The following CCDC30 variants were observed in gnomAD, a reference collection of about 807,000 sequenced individuals.
The protein encoded by CCDC30 is coiled-coil domain-containing protein 30.
CCDC30 carries 70 observed loss-of-function variants against 100.2 expected under a neutral mutation model. The observed-to-expected ratio is 0.70, with a 90% confidence interval of 0.58 to 0.85. The LOEUF (loss-of-function observed/expected upper bound fraction) is 0.85. Among genes scored for constraint, CCDC30 ranks in the 40% least tolerant of loss-of-function variants. CCDC30 has a pLI of 0.00. For missense variants in CCDC30, 652 were observed against 771.2 expected (o/e 0.85, Z 1.83); for synonymous variants, 233 against 269.5 (o/e 0.86, Z 1.33).
chr1:42,641,756 A>G (rs1024168642), intron 12 of CCDC30, among the ~76,000 whole-genome samples: 1 of 151,902 alleles, frequency 6.6e-6, no homozygotes, highest in Admixed American at 6.6e-5. Flanking sequence ...AATCCCAGCT[A>G]CTCGGGAGGC....
At chr1:42,524,639 T>C (rs371604828) in intron 6 of CCDC30, among the ~76,000 whole-genome samples, 1 of 152,178 alleles carries the variant, frequency 6.6e-6, no homozygotes, top group South Asian at 2.1e-4. Context: ...GTTGTCCATT[T>C]TGACTCCCAC....
chr1:42,614,563 A>C (rs1209300975), intron 11 of CCDC30, among the ~76,000 whole-genome samples: 1 of 151,358 alleles, frequency 6.6e-6, no homozygotes, highest in Non-Finnish European at 1.5e-5. Flanking sequence ...GAGGCGGGCA[A>C]ATTACGTGAG....
chr1:42,490,583 G>A (rs1170785986), intron 4 of CCDC30, among the ~76,000 whole-genome samples: 1 of 151,320 alleles, frequency 6.6e-6, no homozygotes, highest in East Asian at 1.9e-4. Flanking sequence ...ACCATTTATT[G>A]CTTACTAAGT....
chr1:42,559,168 G>A (rs1450557189), intron 6 of CCDC30, among the ~76,000 whole-genome samples: 3 of 152,086 alleles, frequency 2.0e-5, no homozygotes, highest in African/African-American at 4.8e-5. Flanking sequence ...AGGAAAAACC[G>A]GTACCAGCCA....
the CCDC30 span, among the ~76,000 whole-genome samples, chr1:42,457,806 T>C: frequency 1.3e-5 from 2 of 151,762 alleles, no homozygotes; most frequent in Admixed American, 1.3e-4. Context: ...AATACAAAAA[T>C]TAGCCGGGCG....
In CCDC30 at chr1:42,651,590, A is replaced by AT. The variant is rs1419945305; in HGVS notation, c.1855-1785dup. Reference sequence around the variant, plus strand: ...AAAAGATGAAAGATAAGGGCCAGGCATGGTAGCCCAAACCTGTAATCCCAG... The same window carrying AT: ...AAAAGATGAAAGATAAGGGCCAGGCATTGGTAGCCCAAACCTGTAATCCCAG... On this transcript the variant is annotated intron_variant, in intron 15 of 16. Coordinates refer to ENST00000668663, the Ensembl canonical transcript of CCDC30. 2.6e-5 allele frequency among the ~76,000 whole-genome samples: 4 copies of AT among 152,158 alleles called. No homozygotes were observed. The East Asian group carries it at 7.7e-4, about 29-fold the overall frequency.
intron 1 of CCDC30, among the ~76,000 whole-genome samples, chr1:42,465,697 G>C (rs1643556356): frequency 6.6e-6 from 1 of 152,138 alleles, no homozygotes; most frequent in Non-Finnish European, 1.5e-5. Context: ...GGAGTGGGGT[G>C]GGGTTTTGCC....
At chr1:42,559,904 C>T (rs1645452016) in intron 6 of CCDC30, among the ~76,000 whole-genome samples, 1 of 152,194 alleles carries the variant, frequency 6.6e-6, no homozygotes, top group Non-Finnish European at 1.5e-5. Context: ...AAACACTCCT[C>T]AGCAAATGCA....
intron 8 of CCDC30, among the ~76,000 whole-genome samples, 159 bp downstream of exon 12, chr1:42,577,388 C>T (rs1282218395): frequency 6.6e-6 from 1 of 152,044 alleles, no homozygotes; most frequent in African/African-American, 2.4e-5. Context: ...TCACCTGTTC[C>T]TACAATTTTA....
At chr1:42,463,550 T>C (rs1470430710) in exon 1 of CCDC30, 1 of 152,446 alleles carries the variant, frequency 6.6e-6, no homozygotes, top group Non-Finnish European at 1.5e-5. Flanking sequence ...GCTGGAGTGA[T>C]TCCGCCTGAA....
intron 11 of CCDC30, among the ~76,000 whole-genome samples, chr1:42,614,651 G>A (rs189862595): frequency 6.6e-6 from 1 of 151,850 alleles, no homozygotes; most frequent in East Asian, 2.0e-4. Flanking sequence ...GCTAGGCATG[G>A]TGGTGCACAT....
chr1:42,642,565 G>C (rs747703200), exon 13 of CCDC30: 2 of 1,602,714 alleles, frequency 1.2e-6, no homozygotes, highest in Admixed American at 1.7e-5. Flanking sequence ...AGCAAGAACA[G>C]TTGATCCACA....
At chr1:42,634,025 A>G (rs1195405394) in intron 11 of CCDC30, among the ~76,000 whole-genome samples, 2 of 152,080 alleles carry the variant, frequency 1.3e-5, no homozygotes, top group Non-Finnish European at 2.9e-5. Context: ...CTGTCAATAG[A>G]ACAGTATGGA....
chr1:42,490,199 A>G (rs1644115565), exon 4 of CCDC30: 1 of 1,212,550 alleles, frequency 8.2e-7, no homozygotes, highest in Non-Finnish European at 1.0e-6. Context: ...TGACAAATTG[A>G]AGGAAAATTT....
At chr1:42,591,885 T>G (rs958051602) in intron 10 of CCDC30, 1 of 152,304 alleles carries the variant, frequency 6.6e-6, no homozygotes, top group Non-Finnish European at 1.5e-5. Context: ...ATTGCACCAT[T>G]GTGCCCTGGA....
At chr1:42,461,675 T>C (rs1643416126), upstream of CCDC30, among the ~76,000 whole-genome samples, 1 of 152,038 alleles carries the variant, frequency 6.6e-6, no homozygotes, top group Non-Finnish European at 1.5e-5. Context: ...GCCTCCCTAG[T>C]AGCTGGGACT....
intron 6 of CCDC30, among the ~76,000 whole-genome samples, chr1:42,504,197 A>G (rs1180252324): frequency 6.6e-6 from 1 of 152,244 alleles, no homozygotes; most frequent in Non-Finnish European, 1.5e-5. Flanking sequence ...AATGCCTTTA[A>G]GCGGTTTTCC....
chr1:42,527,931 TACCGACTCACTGG>T (rs1644746628), intron 6 of CCDC30, among the ~76,000 whole-genome samples: 1 of 152,076 alleles, frequency 6.6e-6, no homozygotes, highest in African/African-American at 2.4e-5. Flanking sequence ...AATGGCGCGA[TACCGACTCACTGG>T]AACCTCTGCC....
rs1201342762 is a variant in CCDC30 at position 42,637,224 on chromosome 1, T to C, written c.1278-13T>C. The C allele has an allele frequency of 1.3e-6, 2 of 1,575,678 alleles. No individual in the cohort carries two copies. On this transcript the variant is annotated splice_polypyrimidine_tract_variant and intron_variant, in intron 11 of 16. Transcript: ENST00000668663. ...GTGTTCAGATGTGTCTAAACTCAAA[T>C]TTACTTTTATAGAAACTATAATGAG...
Sources: allele counts gnomAD v4.1 joint callset (sites outside exome capture counted in the v4.1 genomes callset), GRCh38; gene constraint gnomAD v4.1.1; transcripts MANE v1.5; gene names NCBI Gene and HGNC (gene_info 2026-07-23, HGNC 2026-07-21).